Variants in SEC61B observed in about 807,000 individuals in gnomAD.
The protein encoded by SEC61B is SEC61 translocon subunit beta, also known as protein transport protein Sec61 subunit beta.
Under a neutral mutation model 12.6 loss-of-function variants are expected in SEC61B, and 7 were observed. The ratio of observed to expected loss-of-function variants is 0.55; its 90% CI spans 0.32 to 1.04. The LOEUF (loss-of-function observed/expected upper bound fraction) is 1.04, where lower values mean the gene tolerates loss of function less well. SEC61B is among the 50% of genes least tolerant of loss of function. The pLI, the probability that SEC61B is intolerant of heterozygous loss-of-function variation, is 0.05. For synonymous variants in SEC61B, 54 were observed against 50.1 expected (o/e 1.08, Z -0.33); for missense variants, 107 against 130.1 (o/e 0.82, Z 0.86).
chr9:99,222,469 G>A, intron 1 of SEC61B, 77 bp from the exon 2 acceptor site: 1 of 1,604,414 alleles, frequency 6.2e-7, no homozygotes, highest in Non-Finnish European at 8.5e-7. Context: ...CCCCAGCCTC[G>A]GGTGTGGGTG....
At chr9:99,229,119 T>C (rs1286666402) in intron 3 of SEC61B, among the ~76,000 whole-genome samples, 5 of 152,168 alleles carry the variant, frequency 3.3e-5, no homozygotes, top group Admixed American at 2.6e-4. Context: ...ACCTTGACTT[T>C]AGTTTACAAA....
chr9:99,222,509 C>A, intron 1 of SEC61B, 37 bp from the exon 2 acceptor site: 1 of 1,601,668 alleles, frequency 6.2e-7, no homozygotes, highest in South Asian at 1.1e-5. Flanking sequence ...GCAGGCCTGC[C>A]GCGCTCACCC....
At chr9:99,222,693 G>GA in intron 2 of SEC61B, 50 bp downstream of exon 2, 1 of 1,266,142 alleles carries the variant, frequency 7.9e-7, no homozygotes, top group Non-Finnish European at 1.1e-6. Context: ...ATAGGACCCA[G>GA]AACCTCGCTG....
rs369769741 is a variant in SEC61B, at chr9:99,222,328, C to G, written c.-36C>G. The G allele has an allele frequency of 6.2e-7, 1 of 1,614,124 alleles. No homozygotes were observed. On this transcript the variant is annotated 5_prime_UTR_variant, in exon 1 of 4. Transcript: ENST00000223641. ...TTCGGGGGCTCCGTAACTTTCTATCCGTCCGCGTCAGCGCCTTGCCACCCT... is the reference window on the plus strand; with the variant it reads ...TTCGGGGGCTCCGTAACTTTCTATCGGTCCGCGTCAGCGCCTTGCCACCCT...
In SEC61B at chr9:99,222,529, C is replaced by T. The variant is rs750931795; in HGVS notation, c.4-17C>T. 2.5e-6 allele frequency: 4 copies of T among 1,599,896 alleles called. No homozygotes were observed. In the Admixed American group the frequency reaches 5.2e-5, roughly 21 times the overall value. On this transcript the variant is annotated splice_polypyrimidine_tract_variant and intron_variant, in intron 1 of 3. Coordinates refer to ENST00000223641, the MANE Select transcript of SEC61B (RefSeq NM_006808.3). ...CCTGCCGCGCTCACCCGTCTGTCTGCTTGTCTCCCTCTACAGCCTGGTCCG... is the reference window on the plus strand; with the variant it reads ...CCTGCCGCGCTCACCCGTCTGTCTGTTTGTCTCCCTCTACAGCCTGGTCCG...
chr9:99,230,080 G>C (rs1165209827), intron 3 of SEC61B, among the ~76,000 whole-genome samples: 1 of 152,094 alleles, frequency 6.6e-6, no homozygotes, highest in African/African-American at 2.4e-5. Context: ...CATTTCATTT[G>C]TATATGTTTT....
intron 2 of SEC61B, among the ~76,000 whole-genome samples, chr9:99,226,848 T>G (rs1185938113): frequency 6.6e-6 from 1 of 152,188 alleles, no homozygotes; most frequent in Non-Finnish European, 1.5e-5. Context: ...CTGCGTGTAT[T>G]ACATAGTGTA....
intron 2 of SEC61B, among the ~76,000 whole-genome samples, chr9:99,223,492 C>T (rs185372179): frequency 6.6e-6 from 1 of 151,720 alleles, no homozygotes; most frequent in South Asian, 2.1e-4. Flanking sequence ...CTCCAGAGTT[C>T]AAGCAATTCT....
chr9:99,228,060 C>A, intron 3 of SEC61B, 60 bp downstream of exon 3: 2 of 1,290,970 alleles, frequency 1.5e-6, no homozygotes, highest in Non-Finnish European at 1.1e-6. Context: ...GCAGTGGCAG[C>A]ACTCTGTCTC....
Position 99,222,297 on chromosome 9 carries a change from C to G in SEC61B, c.-67C>G, listed in dbSNP as rs186590435. On this transcript the variant is annotated 5_prime_UTR_variant, in exon 1 of 4. Transcript: ENST00000223641. ...GGCCTGAGTCAGTCTCGCCAGCTGC[C>G]GGTCTTTCGGGGGCTCCGTAACTTT... 22 of 1,612,786 alleles carry G rather than the reference C, an allele frequency of 1.4e-5. No individual in the cohort carries two copies. The African/African-American group carries it at 2.0e-4, about 15-fold the overall frequency.
At chr9:99,225,910 T>C (rs761133573) in intron 2 of SEC61B, among the ~76,000 whole-genome samples, 2 of 152,206 alleles carry the variant, frequency 1.3e-5, no homozygotes, top group African/African-American at 4.8e-5. Flanking sequence ...GACTATAATA[T>C]GTTCACACTG....
chr9:99,225,115 A>G (rs1828879868), intron 2 of SEC61B, among the ~76,000 whole-genome samples: 2 of 152,252 alleles, frequency 1.3e-5, no homozygotes, highest in Non-Finnish European at 2.9e-5. Flanking sequence ...CAATGTATAG[A>G]CATCAAGGTA....
intron 3 of SEC61B, 90 bp from the exon 4 acceptor site, chr9:99,230,247 C>G (rs1166786115): frequency 1.4e-6 from 1 of 735,296 alleles, no homozygotes; most frequent in African/African-American, 1.8e-5. Flanking sequence ...CCCACCTTAC[C>G]TCTACTTTTC....
chr9:99,226,124 C>T (rs1039125857), intron 2 of SEC61B, among the ~76,000 whole-genome samples: 1 of 152,208 alleles, frequency 6.6e-6, no homozygotes, highest in African/African-American at 2.4e-5. Flanking sequence ...GTTTTAAGTT[C>T]CCAGGCTACC....
At chr9:99,228,165 G>A (rs1256175960) in intron 3 of SEC61B, among the ~76,000 whole-genome samples, 165 bp downstream of exon 3, 2 of 152,170 alleles carry the variant, frequency 1.3e-5, no homozygotes, top group African/African-American at 2.4e-5. Flanking sequence ...TTTATCAACC[G>A]ATTAGGCATT....
At chr9:99,229,162 G>A (rs1828931884) in intron 3 of SEC61B, among the ~76,000 whole-genome samples, 1 of 152,116 alleles carries the variant, frequency 6.6e-6, no homozygotes, top group South Asian at 2.1e-4. Context: ...AGTTTATAAA[G>A]CCTTCCCTGG....
rs1828832792 is a variant in SEC61B, at chr9:99,222,307, G to A, written c.-57G>A. ...AGTCTCGCCAGCTGCCGGTCTTTCG[G>A]GGGCTCCGTAACTTTCTATCCGTCC... On this transcript the variant is annotated 5_prime_UTR_variant, in exon 1 of 4. Coordinates refer to ENST00000223641, the MANE Select transcript of SEC61B (RefSeq NM_006808.3). The A allele has an allele frequency of 6.2e-7, 1 of 1,613,928 alleles. No homozygotes were observed. Among genetic ancestry groups the A allele is most frequent in the Non-Finnish European group, 8.5e-7 (1 of 1,179,848 alleles).
chr9:99,224,209 T>G (rs749142878), intron 2 of SEC61B, among the ~76,000 whole-genome samples: 1 of 152,222 alleles, frequency 6.6e-6, no homozygotes. Flanking sequence ...ACATGAAATA[T>G]TTCACATCAG....
intron 3 of SEC61B, among the ~76,000 whole-genome samples, chr9:99,229,258 A>G (rs1828932518): frequency 6.6e-6 from 1 of 152,092 alleles, no homozygotes; most frequent in African/African-American, 2.4e-5. Flanking sequence ...GGGATATGTG[A>G]GGTGGGGGTA....
Sources: allele counts gnomAD v4.1 joint callset (sites outside exome capture counted in the v4.1 genomes callset), GRCh38; gene constraint gnomAD v4.1.1; transcripts MANE v1.5; gene names NCBI Gene and HGNC (gene_info 2026-07-23, HGNC 2026-07-21).